The following SLC29A3 variants were observed in gnomAD, a reference collection of about 807,000 sequenced individuals.
SLC29A3 encodes the protein equilibrative nucleoside transporter 3.
In SLC29A3, 18 loss-of-function variants were observed where a neutral mutation model predicts 25.4. The observed-to-expected ratio is 0.71, with a 90% CI of 0.49 to 1.05. SLC29A3 has a LOEUF of 1.05. Among genes scored for constraint, SLC29A3 ranks in the 50% least tolerant of loss-of-function variants. The pLI is 0.00. For missense variants in SLC29A3, 586 were observed against 609.0 expected (o/e 0.96, Z 0.40); for synonymous variants, 258 against 267.1 (o/e 0.97, Z 0.33).
At position 71,355,346 on chromosome 10, in the gene SLC29A3, C is replaced by T. The variant is rs3824770; in HGVS notation, c.611-735C>T. 2.2e-3 allele frequency among the ~76,000 whole-genome samples: 333 copies of T among 152,286 alleles called. 10 individuals are homozygous for T. The East Asian group carries it at 0.045, about 21-fold the overall frequency. ...AGCAGTGAAAGGTGTGGCAGCCACA[C>T]GGTCTCACAGGTAATGTGTGTCAAA... On this transcript the variant is annotated intron_variant, in intron 4 of 5. Coordinates refer to ENST00000373189, the MANE Select transcript of SLC29A3 (RefSeq NM_018344.6).
At chr10:71,360,349 G>A (rs1469650939) in intron 5 of SLC29A3, among the ~76,000 whole-genome samples, 2 of 151,982 alleles carry the variant, frequency 1.3e-5, no homozygotes, top group Non-Finnish European at 2.9e-5. Flanking sequence ...TCACCATTGG[G>A]TCAGGCTGGT....
intron 3 of SLC29A3, among the ~76,000 whole-genome samples, chr10:71,347,014 C>G (rs1006075940): frequency 5.3e-5 from 8 of 152,166 alleles, no homozygotes; most frequent in Admixed American, 5.2e-4. Context: ...CTGGCCTGCC[C>G]CTGCTCCTCC....
chr10:71,348,387 A>C (rs939485503), intron 3 of SLC29A3, among the ~76,000 whole-genome samples: 7 of 152,232 alleles, frequency 4.6e-5, no homozygotes, highest in Non-Finnish European at 1.0e-4. Flanking sequence ...TATCGGGTCT[A>C]GCTGCTTCTT....
At chr10:71,346,397 G>A (rs1846581891) in intron 3 of SLC29A3, among the ~76,000 whole-genome samples, 1 of 152,178 alleles carries the variant, frequency 6.6e-6, no homozygotes, top group African/African-American at 2.4e-5. Context: ...AAGGGAAGGT[G>A]GCCATTAAGG....
At chr10:71,354,223 T>G (rs1846837220) in intron 4 of SLC29A3, among the ~76,000 whole-genome samples, 2 of 152,180 alleles carry the variant, frequency 1.3e-5, no homozygotes, top group Non-Finnish European at 2.9e-5. Flanking sequence ...CCTTTTAATC[T>G]TCATCACAGC....
In SLC29A3 at chr10:71,322,827, C is replaced by G. The variant is rs746408350; in HGVS notation, c.73C>G (p.Arg25Gly). The G allele has an allele frequency of 1.9e-6, 3 of 1,614,090 alleles. No homozygotes were observed. In the African/African-American group the frequency reaches 4.0e-5, roughly 22 times the overall value. The stretch of plus-strand genomic sequence containing the variant: ...CTACAGAACCACAAGCAGCAGTCTC[C>G]GAGCTGACCAGGAGGCACTGCTTGA... ...STYRTTSSSL[R>G]ADQEALLEKL... The change falls in exon 2 of 6, where the codon CGA becomes GGA. Residue 25 changes from arginine to glycine, a missense_variant. By Grantham distance (125) the Arg-to-Gly change is moderately radical. Transcript: ENST00000373189.
rs200001297 is a variant in SLC29A3 at position 71,362,327 on chromosome 10, G to T, written c.1147G>T (p.Val383Leu). The part of the protein sequence containing the change: ...GPNSKALPGF[V>L]LLRTCLIPLF... ...CAATAGCAAGGCGCTCCCAGGGTTC[G>T]TGCTCCTCCGGACCTGCCTCATCCC... Residue 383 changes from valine (V) to leucine (L), a missense_variant, in exon 6 of 6, where the codon GTG becomes TTG. By Grantham distance (32) the Val-to-Leu change is conservative. Transcript: ENST00000373189. 2 of 1,614,116 alleles carry T rather than the reference G, an allele frequency of 1.2e-6. No individual in the cohort carries two copies. Among genetic ancestry groups the T allele is most frequent in the South Asian group, 2.2e-5 (2 of 91,080 alleles).
downstream of SLC29A3, among the ~76,000 whole-genome samples, chr10:71,366,691 AGGTGATGT>A (rs1356165401): frequency 6.6e-6 from 1 of 152,066 alleles, no homozygotes; most frequent in African/African-American, 2.4e-5. Context: ...ATCAGCTCGG[AGGTGATGT>A]GGGCGCTTAA....
intron 3 of SLC29A3, among the ~76,000 whole-genome samples, chr10:71,350,941 C>G (rs1004105598): frequency 1.3e-5 from 2 of 152,238 alleles, no homozygotes; most frequent in Admixed American, 1.3e-4. Context: ...ATCAAACACA[C>G]TGGCATACAG....
At chr10:71,350,333 GT>G (rs1846720767) in intron 3 of SLC29A3, among the ~76,000 whole-genome samples, 1 of 151,742 alleles carries the variant, frequency 6.6e-6, no homozygotes, top group African/African-American at 2.4e-5. Context: ...GTGTGTGTGT[GT>G]GTGTGTGTGT....
At chr10:71,343,262 A>T (rs1846463343) in intron 2 of SLC29A3, among the ~76,000 whole-genome samples, 1 of 152,134 alleles carries the variant, frequency 6.6e-6, no homozygotes, top group Admixed American at 6.6e-5. Context: ...CACCATGCCC[A>T]GCCTTGTTTT....
intron 2 of SLC29A3, among the ~76,000 whole-genome samples, chr10:71,327,912 C>A (rs1846009275): frequency 6.6e-6 from 1 of 152,098 alleles, no homozygotes; most frequent in South Asian, 2.1e-4. Context: ...TAAGCCATCC[C>A]CTGCCCTGTG....
At chr10:71,352,059 T>C (rs1476114322) in intron 4 of SLC29A3, among the ~76,000 whole-genome samples, 2 of 152,014 alleles carry the variant, frequency 1.3e-5, no homozygotes, top group Non-Finnish European at 2.9e-5. Flanking sequence ...CAGTTCCAGG[T>C]GGCACGCCCT....
downstream of SLC29A3, among the ~76,000 whole-genome samples, chr10:71,367,107 G>A (rs1847176639): frequency 6.6e-6 from 1 of 152,156 alleles, no homozygotes; most frequent in African/African-American, 2.4e-5. Flanking sequence ...GTGTTGTAGG[G>A]GAATGGCTTT....
rs144770812 is a variant in SLC29A3 at position 71,322,760 on chromosome 10, C to T, written c.6C>T (p.Ala2=). Residue 2 remains alanine, a synonymous_variant, in exon 2 of 6, where the codon GCC becomes GCT. Transcript: ENST00000373189. Reference sequence around the variant, plus strand: ...TTGCCCTCCTTGCTCCAATAGTGGCCGTTGTCTCAGAGGACGACTTTCAGC... The same window carrying T: ...TTGCCCTCCTTGCTCCAATAGTGGCTGTTGTCTCAGAGGACGACTTTCAGC... M[A]VVSEDDFQHS... The T allele has an allele frequency of 1.3e-5, 21 of 1,613,952 alleles. No homozygotes were observed. Among genetic ancestry groups the T allele is most frequent in the South Asian group, 3.3e-5 (3 of 91,082 alleles).
Position 71,362,208 on chromosome 10 carries a change from C to T in SLC29A3, c.1028C>T (p.Thr343Ile), listed in dbSNP as rs1427868949. The T allele has an allele frequency of 6.2e-7, 1 of 1,614,156 alleles. No homozygotes were observed. Among genetic ancestry groups the T allele is most frequent in the Admixed American group, 1.7e-5 (1 of 60,024 alleles). Residue 343 changes from threonine to isoleucine, a missense_variant, in exon 6 of 6, where the codon ACC (threonine) becomes ATC (isoleucine). Coordinates refer to ENST00000373189, the MANE Select transcript of SLC29A3 (RefSeq NM_018344.6). Reference sequence around the variant, plus strand: ...AAGGGTTCGGGCTCACTGTGGACCACCAAGTTTTTCATCCCCCTCACTACC... The same window carrying T: ...AAGGGTTCGGGCTCACTGTGGACCATCAAGTTTTTCATCCCCCTCACTACC... The part of the protein sequence containing the change: ...LNKGSGSLWT[T>I]KFFIPLTTFL...
chr10:71,351,752 T>C lies in SLC29A3; in HGVS notation c.574T>C (p.Ser192Pro). The C allele has an allele frequency of 6.2e-7, 1 of 1,613,856 alleles. No homozygotes were observed. The highest frequency in any genetic ancestry group is 8.5e-7 in the Non-Finnish European group (1 of 1,180,006). Residue 192 changes from serine (S) to proline (P), a missense_variant, in exon 4 of 6, where the codon TCC becomes CCC. Physicochemically the swap from Ser to Pro is moderately conservative, Grantham distance 74. Transcript: ENST00000373189. ...CAGCAGCATCTACGGCATGACCGGCTCCTTTCCTATGAGGAACTCCCAGGC... is the reference window on the plus strand; with the variant it reads ...CAGCAGCATCTACGGCATGACCGGCCCCTTTCCTATGAGGAACTCCCAGGC... ...FSSSIYGMTG[S>P]FPMRNSQALI...
intron 2 of SLC29A3, among the ~76,000 whole-genome samples, chr10:71,338,852 T>G (rs1360364749): frequency 4.6e-5 from 7 of 152,220 alleles, no homozygotes; most frequent in African/African-American, 1.7e-4. Flanking sequence ...CTGCCCTCCC[T>G]GAGAGGAACG....
downstream of SLC29A3, chr10:71,365,400 T>A (rs933441449): frequency 2.0e-5 from 3 of 152,222 alleles, no homozygotes; most frequent in African/African-American, 7.2e-5. Context: ...GGGAATGGGC[T>A]TTCAAAGAAG....
Sources: gnomAD v4.1 joint callset for allele counts (sites outside exome capture counted in the v4.1 genomes callset) on GRCh38, gnomAD v4.1.1 for gene constraint, MANE v1.5 for transcripts, NCBI Gene and HGNC (gene_info 2026-07-23, HGNC 2026-07-21) for gene names.